Variants in NSRP1 observed in about 807,000 individuals in gnomAD.
The protein encoded by NSRP1 is nuclear speckle splicing regulatory protein 1, also known as coiled-coil domain containing 55.
NSRP1 carries 24 observed loss-of-function variants against 54.7 expected under a neutral mutation model. The observed-to-expected ratio is 0.44, with a 90% CI of 0.32 to 0.62. The LOEUF is 0.62. Among genes scored for constraint, NSRP1 ranks in the 20% least tolerant of loss-of-function variants. NSRP1 has a pLI of 0.06. For missense variants in NSRP1, 596 were observed against 651.2 expected (o/e 0.92, Z 0.92); for synonymous variants, 210 against 213.8 (o/e 0.98, Z 0.15).
At chr17:30,183,231 A>AG (rs35687485) in intron 6 of NSRP1, among the ~76,000 whole-genome samples, 56,945 of 150,798 alleles carry the variant, frequency 0.38, 13,130 homozygotes, top group East Asian at 0.81. Flanking sequence ...AAAAAAAAAA[A>AG]TTTTTTTTAA....
chr17:30,163,318 C>T (rs1904604428), intron 2 of NSRP1, among the ~76,000 whole-genome samples: 1 of 151,272 alleles, frequency 6.6e-6, no homozygotes, highest in South Asian at 2.1e-4. Context: ...AGCGATCCAC[C>T]CTCCTCGGCC....
chr17:30,176,615 C>CG lies in NSRP1; in HGVS notation c.172-1456_172-1455insG, dbSNP rs1280206223. Among the ~76,000 whole-genome samples the CG allele has an allele frequency of 6.7e-3, 825 of 122,794 alleles. 12 individuals are homozygous for CG. The highest frequency in any genetic ancestry group is 0.063 in the East Asian group (146 of 2,314). The allele number at this position is 122,794 out of a possible 152,430, so 80.6% of individuals were successfully genotyped here. Reference sequence around the variant, plus strand: ...ACAGTGCAAGACTTCGTCCCCCCCCCCCCAAAAAAAAAACAGCCCTCAGTC... The same window carrying CG: ...ACAGTGCAAGACTTCGTCCCCCCCCCGCCCAAAAAAAAAACAGCCCTCAGTC... On this transcript the variant is annotated intron_variant, in intron 3 of 6. Coordinates refer to ENST00000247026, the MANE Select transcript of NSRP1 (RefSeq NM_032141.4).
chr17:30,184,586 TC>T (rs1567809118), intron 6 of NSRP1, 28 bp from the exon 7 acceptor site: 1 of 1,522,818 alleles, frequency 6.6e-7, no homozygotes, highest in Admixed American at 2.2e-5. Context: ...GGCATTTTTT[TC>T]TGCCCTTTTT....
chr17:30,118,599 T>G (rs879570199), intron 2 of NSRP1, among the ~76,000 whole-genome samples: 1 of 152,184 alleles, frequency 6.6e-6, no homozygotes, highest in Non-Finnish European at 1.5e-5. Context: ...ATGTAATTGC[T>G]CAGTTATAAT....
At chr17:30,159,243 G>C (rs779049118) in intron 2 of NSRP1, among the ~76,000 whole-genome samples, 3 of 151,942 alleles carry the variant, frequency 2.0e-5, no homozygotes, top group Non-Finnish European at 4.4e-5. Context: ...TTGCTTTCTT[G>C]ATTTCTTTTT....
intron 3 of NSRP1, among the ~76,000 whole-genome samples, chr17:30,177,747 CTCTA>C (rs1384906716): frequency 4.6e-5 from 7 of 151,910 alleles, no homozygotes; most frequent in Non-Finnish European, 1.0e-4. Flanking sequence ...AATACTTATT[CTCTA>C]TCAGGCTCTG....
intron 2 of NSRP1, among the ~76,000 whole-genome samples, chr17:30,172,258 A>G (rs904151856): frequency 2.0e-5 from 3 of 152,174 alleles, no homozygotes; most frequent in African/African-American, 7.2e-5. Context: ...GTAAGGCACC[A>G]TTGCCAACCA....
intron 2 of NSRP1, among the ~76,000 whole-genome samples, chr17:30,166,687 C>G (rs1440165958): frequency 2.0e-5 from 3 of 152,148 alleles, no homozygotes; most frequent in African/African-American, 7.2e-5. Context: ...CTTTGGGAGG[C>G]CGAGGTAGGC....
In NSRP1 at chr17:30,184,835, T is replaced by C. The variant is rs367942780; in HGVS notation, c.838T>C (p.Phe280Leu). 6.2e-7 allele frequency: 1 copy of C among 1,614,024 alleles called. No individual in the cohort carries two copies. Among genetic ancestry groups the C allele is most frequent in the African/African-American group, 1.3e-5 (1 of 75,020 alleles). ...EKVIETPENDFKHHRSQNHSR... is the reference protein window; with the variant it reads ...EKVIETPENDLKHHRSQNHSR... ...GGTCATAGAGACCCCTGAGAATGAC[T>C]TCAAGCACCACAGGAGTCAAAACCA... Residue 280 changes from phenylalanine to leucine, a missense_variant, in exon 7 of 7, where the codon TTC becomes CTC. Physicochemically the swap from Phe to Leu is conservative, Grantham distance 22. Coordinates refer to ENST00000247026, the MANE Select transcript of NSRP1 (RefSeq NM_032141.4).
chr17:30,170,811 G>T (rs1904904252), intron 2 of NSRP1, among the ~76,000 whole-genome samples: 1 of 152,140 alleles, frequency 6.6e-6, no homozygotes, highest in South Asian at 2.1e-4. Flanking sequence ...GGATTGCTAG[G>T]CTGTATGGTA....
chr17:30,145,046 C>T (rs1041694919), intron 2 of NSRP1, among the ~76,000 whole-genome samples: 5 of 152,054 alleles, frequency 3.3e-5, no homozygotes, highest in Middle Eastern at 3.2e-3. Flanking sequence ...TTTTTTTAGT[C>T]AACACTGTGT....
intron 2 of NSRP1, among the ~76,000 whole-genome samples, chr17:30,151,375 G>T (rs532839669): frequency 9.4e-4 from 143 of 152,242 alleles, no homozygotes; most frequent in African/African-American, 3.4e-3. Context: ...GTAGCCTATT[G>T]TTGACCAGAA....
intron 2 of NSRP1, among the ~76,000 whole-genome samples, chr17:30,153,459 T>A (rs1476227577): frequency 2.6e-5 from 4 of 152,290 alleles, no homozygotes; most frequent in Admixed American, 1.3e-4. Flanking sequence ...TTATTGTTGT[T>A]ATAAGTATCT....
At chr17:30,174,630 AT>A (rs1481420965) in intron 3 of NSRP1, among the ~76,000 whole-genome samples, 2 of 152,096 alleles carry the variant, frequency 1.3e-5, no homozygotes, top group East Asian at 3.9e-4. Flanking sequence ...TCTGATAGAT[AT>A]TTGTTGCTAA....
At chr17:30,171,637 C>G (rs528501249) in intron 2 of NSRP1, among the ~76,000 whole-genome samples, 15 of 151,578 alleles carry the variant, frequency 9.9e-5, no homozygotes, top group Admixed American at 8.5e-4. Flanking sequence ...TAATTGTCTT[C>G]CCTTTCAGAC....
intron 2 of NSRP1, among the ~76,000 whole-genome samples, chr17:30,166,134 T>C (rs1342601493): frequency 6.6e-6 from 1 of 152,194 alleles, no homozygotes; most frequent in Non-Finnish European, 1.5e-5. Context: ...TAGGTACTAA[T>C]ATATAGAGGA....
intron 2 of NSRP1, among the ~76,000 whole-genome samples, chr17:30,165,457 C>G (rs189340968): frequency 3.8e-4 from 58 of 152,324 alleles, no homozygotes; most frequent in African/African-American, 1.4e-3. Flanking sequence ...CTTAACTGTA[C>G]ATTTCTTTGA....
chr17:30,158,805 T>G (rs1185019879), intron 2 of NSRP1, among the ~76,000 whole-genome samples: 1 of 152,230 alleles, frequency 6.6e-6, no homozygotes, highest in Non-Finnish European at 1.5e-5. Flanking sequence ...TTCTCTATTC[T>G]GTTCCATTTT....
chr17:30,147,425 C>T (rs925220798), intron 2 of NSRP1, among the ~76,000 whole-genome samples: 40 of 151,938 alleles, frequency 2.6e-4, no homozygotes, highest in East Asian at 3.9e-4. Flanking sequence ...CCACTGCACT[C>T]GGCCAGACTT....
Sources: gnomAD v4.1 joint callset for allele counts (sites outside exome capture counted in the v4.1 genomes callset) on GRCh38, gnomAD v4.1.1 for gene constraint, MANE v1.5 for transcripts, NCBI Gene and HGNC (gene_info 2026-07-23, HGNC 2026-07-21) for gene names.